PRH1: variants seen among roughly 807,000 people sequenced by gnomAD.
The protein encoded by PRH1 is proline rich protein HaeIII subfamily 1, also known as salivary acidic proline-rich phosphoprotein 1/2.
In PRH1, 7 loss-of-function variants were observed where a neutral mutation model predicts 7.9. That is an observed-to-expected ratio of 0.89 (90% CI 0.50 to 1.67). The LOEUF (loss-of-function observed/expected upper bound fraction) is 1.67, where lower values mean the gene tolerates loss of function less well. PRH1 is among the 40% of genes most tolerant of loss of function. The probability of loss-of-function intolerance (pLI) is 0.00; values close to 1 mark genes in which losing one functional copy is unlikely to be tolerated. For synonymous variants in PRH1, 45 were observed against 80.8 expected, an observed-to-expected ratio of 0.56 and a Z score of 2.38; for missense variants, 109 against 223.6, an observed-to-expected ratio of 0.49 and a Z score of 3.27.
chr12:11,054,492 C>T (rs1297753189), intron 1 of PRH1, among the ~76,000 whole-genome samples: 1 of 152,096 alleles, frequency 6.6e-6, no homozygotes, highest in Admixed American at 6.5e-5. Context: ...TGCTTTATGC[C>T]TCAACAAAAT....
At position 10,986,566 on chromosome 12, in the gene PRH1, C is replaced by G. The variant is rs748845622; in HGVS notation, c.-125-12845G>C. On this transcript the variant is annotated intron_variant, in intron 1 of 3. Transcript: ENST00000539853. ...AAATAAAATATGCTGAGGTTAGCAG[C>G]AAGCCACATGCTGAAATGGTTGGTT... The G allele has an allele frequency of 1.9e-6, 3 of 1,614,038 alleles. No homozygotes were observed. The East Asian group carries it at 6.7e-5, about 36-fold the overall frequency.
intron 2 of PRH1, among the ~76,000 whole-genome samples, chr12:10,964,194 A>G (rs912211142): frequency 6.6e-6 from 1 of 152,220 alleles, no homozygotes; most frequent in Admixed American, 6.5e-5. Flanking sequence ...GGCAGTTTGT[A>G]AAAAATGATT....
At chr12:11,008,823 C>T (rs557780209) in intron 1 of PRH1, among the ~76,000 whole-genome samples, 7 of 152,034 alleles carry the variant, frequency 4.6e-5, no homozygotes, top group Admixed American at 1.3e-4. Flanking sequence ...AATAATGCTA[C>T]TATGAGCATT....
chr12:11,086,251 G>A (rs1391823784), intron 1 of PRH1, among the ~76,000 whole-genome samples: 1 of 146,808 alleles, frequency 6.8e-6, no homozygotes, highest in Non-Finnish European at 1.5e-5. Context: ...CTTTGACTAA[G>A]TTTTTCTCTT....
Position 10,882,431 on chromosome 12 carries a change from G to A in PRH1, c.368C>T (p.Pro123Leu). 1.3e-6 allele frequency: 2 copies of A among 1,599,252 alleles called. No homozygotes were observed. Among genetic ancestry groups the A allele is most frequent in the African/African-American group, 1.4e-5 (1 of 73,192 alleles). ...TCCTTGTGGCCTTCCTTGAGGAGGAGGGGGATGGCCTCCCTGTTGGGGTGG... is the reference window on the plus strand; with the variant it reads ...TCCTTGTGGCCTTCCTTGAGGAGGAAGGGGATGGCCTCCCTGTTGGGGTGG... ...QGPPQQGGHPPPPQGRPQGPP... is the reference protein window; with the variant it reads ...QGPPQQGGHPLPPQGRPQGPP... Residue 123 changes from proline to leucine, a missense_variant, in exon 3 of 4, where the codon CCT (proline) becomes CTT (leucine). By Grantham distance (98) the Pro-to-Leu change is moderately conservative (BLOSUM62 -3). Around this residue, in one of 3 missense-constraint regions of PRH1, gnomAD observed 45 missense variants for 88.8 expected, o/e 0.51. Coordinates refer to ENST00000543626, the MANE Select transcript of PRH1 (RefSeq NM_001393989.1).
intron 1 of PRH1, among the ~76,000 whole-genome samples, chr12:11,170,498 G>C (rs1259835581): frequency 6.6e-6 from 1 of 152,222 alleles, no homozygotes; most frequent in Non-Finnish European, 1.5e-5. Flanking sequence ...AGTGAGCCGA[G>C]ATCGCGCCAC....
At chr12:10,890,830 AGGGTT>A (rs1336218495) in intron 2 of PRH1, among the ~76,000 whole-genome samples, 1 of 142,346 alleles carries the variant, frequency 7.0e-6, no homozygotes, top group African/African-American at 2.6e-5. Flanking sequence ...AGGGGAGGGG[AGGGTT>A]GGCTTTTTTT....
chr12:11,102,544 G>A (rs1192291901), intron 1 of PRH1, among the ~76,000 whole-genome samples: 1 of 152,046 alleles, frequency 6.6e-6, no homozygotes, highest in Non-Finnish European at 1.5e-5. Context: ...AATTAATTCA[G>A]GATGGATTAA....
chr12:11,003,594 TTAAAA>T (rs150907385), intron 1 of PRH1, among the ~76,000 whole-genome samples: 1,592 of 151,914 alleles, frequency 0.01, 33 homozygotes, highest in African/African-American at 0.035. Context: ...TTATAAAAAC[TTAAAA>T]TAAAATTTCT....
At chr12:11,127,496 A>C (rs1946175017) in intron 1 of PRH1, among the ~76,000 whole-genome samples, 1 of 152,090 alleles carries the variant, frequency 6.6e-6, no homozygotes, top group African/African-American at 2.4e-5. Context: ...CAACTTTTCT[A>C]CCAAAAGTGT....
intron 1 of PRH1, among the ~76,000 whole-genome samples, chr12:11,114,560 G>A (rs184309935): frequency 8.6e-4 from 131 of 152,200 alleles, no homozygotes; most frequent in South Asian, 1.7e-3. Flanking sequence ...TGTAGATGAC[G>A]GGTTGATGGG....
At chr12:11,073,548 A>G (rs1327855754) in intron 1 of PRH1, among the ~76,000 whole-genome samples, 9 of 151,524 alleles carry the variant, frequency 5.9e-5, no homozygotes, top group South Asian at 4.2e-4. Context: ...AAATACCACA[A>G]TAGAGGATAT....
rs201308754 is a variant in PRH1 at position 10,908,572 on chromosome 12, T to C, written c.-58-24297A>G. On this transcript the variant is annotated intron_variant, in intron 2 of 3. Coordinates refer to the PRH1 transcript ENST00000539853. ...GATATGAGAACACATAGAAAGAAAC[T>C]AGCATAGAATAAAAGGAATGAGATC... 139 of 1,613,916 alleles carry C rather than the reference T, an allele frequency of 8.6e-5. 1 individual carries two copies. The East Asian group carries it at 2.9e-3, about 33-fold the overall frequency.
intron 1 of PRH1, among the ~76,000 whole-genome samples, chr12:11,168,276 GAAAGAAAGAAAGAAAGAAA>G (rs1947668409): frequency 3.7e-4 from 12 of 32,444 alleles, no homozygotes; most frequent in African/African-American, 9.8e-4. Context: ...AAGAAAGAAA[GAAAGAAAGAAAGAAAGAAA>G]GAAAGAAGGA....
At chr12:11,056,791 C>A (rs1943377642) in intron 1 of PRH1, among the ~76,000 whole-genome samples, 1 of 152,038 alleles carries the variant, frequency 6.6e-6, no homozygotes, top group South Asian at 2.1e-4. Flanking sequence ...GCACACCAGC[C>A]TGGGAGACAG....
intron 1 of PRH1, among the ~76,000 whole-genome samples, chr12:11,129,871 C>A (rs564989919): frequency 6.0e-4 from 92 of 152,400 alleles, no homozygotes; most frequent in Middle Eastern, 3.4e-3. Context: ...ATATTACAGA[C>A]CGGGCCCTGT....
At chr12:11,149,409 C>A (rs1416585896) in intron 1 of PRH1, among the ~76,000 whole-genome samples, 1 of 152,146 alleles carries the variant, frequency 6.6e-6, no homozygotes, top group Non-Finnish European at 1.5e-5. Context: ...CGCTACCTGA[C>A]TTCAAACTAT....
chr12:11,016,826 G>C (rs2136055302), intron 1 of PRH1, among the ~76,000 whole-genome samples: 1 of 152,278 alleles, frequency 6.6e-6, no homozygotes, highest in Middle Eastern at 3.4e-3. Context: ...GCAGAACCAA[G>C]GGGAAGCCTG....
intron 2 of PRH1, among the ~76,000 whole-genome samples, chr12:10,912,204 G>A (rs937616477): frequency 6.6e-6 from 1 of 152,202 alleles, no homozygotes; most frequent in African/African-American, 2.4e-5. Flanking sequence ...TTTATTTTGA[G>A]TTTGGAGACT....
Sources: gnomAD v4.1 joint callset for allele counts (sites outside exome capture counted in the v4.1 genomes callset) on GRCh38, gnomAD v4.1.1 for gene constraint, gnomAD v4.1.1 regional missense constraint, MANE v1.5 for transcripts, NCBI Gene and HGNC (gene_info 2026-07-23, HGNC 2026-07-21) for gene names.